Variants in EXOC6 observed in about 807,000 individuals in gnomAD.
The protein encoded by EXOC6 is SEC15-like 1.
Under a neutral mutation model 112.5 loss-of-function variants are expected in EXOC6, and 60 were observed. That is an observed-to-expected ratio of 0.53 (90% CI 0.43 to 0.66). The LOEUF is 0.66. Among genes scored for constraint, EXOC6 ranks in the 30% least tolerant of loss-of-function variants. The pLI is 0.00. For synonymous variants in EXOC6, 295 were observed against 308.0 expected (o/e 0.96, Z 0.44); for missense variants, 855 against 957.1 (o/e 0.89, Z 1.41).
chr10:92,881,419 C>T (rs1848959246), intron 1 of EXOC6, among the ~76,000 whole-genome samples: 1 of 152,200 alleles, frequency 6.6e-6, no homozygotes, highest in Admixed American at 6.5e-5. Flanking sequence ...TGTCATAATA[C>T]TACTTCATTT....
rs556700904 is a variant in EXOC6, at chr10:92,973,045, T to C, written c.1774-1008T>C. 3.3e-5 allele frequency among the ~76,000 whole-genome samples: 5 copies of C among 152,342 alleles called. No homozygotes were observed. In the South Asian group the frequency reaches 1.0e-3, roughly 32 times the overall value. On this transcript the variant is annotated intron_variant, in intron 17 of 21. Transcript: ENST00000260762. ...TACCTACCATCTCAGGCATCCTCCA[T>C]GTTAAACTTATTGCCTCTAATTGTT...
chr10:92,834,523 T>C (rs951812665), upstream of EXOC6, among the ~76,000 whole-genome samples: 1 of 152,160 alleles, frequency 6.6e-6, no homozygotes, highest in Non-Finnish European at 1.5e-5. Flanking sequence ...ATGTTATAAG[T>C]GGAAACAGGA....
rs1479027335 is a variant in EXOC6, at chr10:92,920,062, T to C, written c.888+12T>C. 6.5e-7 allele frequency: 1 copy of C among 1,538,766 alleles called. No individual in the cohort carries two copies. The highest frequency in any genetic ancestry group is 1.4e-5 in the African/African-American group (1 of 72,888). On this transcript the variant is annotated intron_variant, in intron 8 of 21. Transcript: ENST00000260762. ...TTTATTCTGTTTTGGTAAGTATGTT[T>C]TATATTTATGTATATATAGCTTTAT... is the stretch of plus-strand genomic sequence containing the variant.
In EXOC6 at chr10:92,837,539, T is replaced by G. The variant is rs569848072; in HGVS notation, c.86+2715T>G. Among the ~76,000 whole-genome samples, 8 of 152,254 alleles carry G rather than the reference T, an allele frequency of 5.3e-5. No homozygotes were observed. In the South Asian group the frequency reaches 1.7e-3, roughly 32 times the overall value. ...TTAAAATTAGTTGGTGGCTTGTGCC[T>G]GTAGTCTCAGCTACTCGGGAGGCCA... On this transcript the variant is annotated intron_variant, in intron 1 of 21. Transcript: ENST00000371552.
intron 12 of EXOC6, among the ~76,000 whole-genome samples, chr10:92,938,762 TCA>T (rs141685760): frequency 6.6e-6 from 1 of 152,244 alleles, no homozygotes; most frequent in African/African-American, 2.4e-5. Context: ...TTCAAGAAAT[TCA>T]CAGTTTACTT....
intron 20 of EXOC6, among the ~76,000 whole-genome samples, chr10:93,054,022 G>C (rs1846428672): frequency 1.3e-5 from 2 of 152,296 alleles, no homozygotes; most frequent in Non-Finnish European, 2.9e-5. Flanking sequence ...GAATGAGCAG[G>C]CAGTCACCAG....
chr10:93,014,433 G>A (rs1173113803), intron 20 of EXOC6, among the ~76,000 whole-genome samples, 166 bp downstream of exon 20: 2 of 151,880 alleles, frequency 1.3e-5, no homozygotes, highest in Non-Finnish European at 2.9e-5. Flanking sequence ...CTTTGAACCT[G>A]TAATGCATTC....
At chr10:92,953,481 C>T (rs983875622) in intron 15 of EXOC6, among the ~76,000 whole-genome samples, 5 of 152,136 alleles carry the variant, frequency 3.3e-5, no homozygotes, top group African/African-American at 1.2e-4. Context: ...TTTTGGTTCT[C>T]CTGCCACCAC....
At chr10:92,839,424 A>G (rs1846765789) in intron 1 of EXOC6, among the ~76,000 whole-genome samples, 1 of 152,192 alleles carries the variant, frequency 6.6e-6, no homozygotes, top group African/African-American at 2.4e-5. Flanking sequence ...AGGATGGTCA[A>G]TAGGTTTCAA....
chr10:92,854,457 T>C (rs752500491), intron 1 of EXOC6, among the ~76,000 whole-genome samples: 6 of 151,906 alleles, frequency 3.9e-5, no homozygotes, highest in Non-Finnish European at 7.4e-5. Context: ...AAAGACTGAC[T>C]ATACCATGTA....
Position 92,893,395 on chromosome 10 carries a change from A to G in EXOC6, c.148A>G (p.Lys50Glu). ...QPNAHKKFME[K>E]LDACIRNHDK... Reference sequence around the variant, plus strand: ...AAATGCGCACAAGAAGTTTATGGAAAAGTTAGATGCTTGTATCCGTAATCA... The same window carrying G: ...AAATGCGCACAAGAAGTTTATGGAAGAGTTAGATGCTTGTATCCGTAATCA... Residue 50 changes from lysine (K) to glutamate (E), a missense_variant, in exon 2 of 22, where the codon AAG (lysine) becomes GAG (glutamate). By Grantham distance (56) the Lys-to-Glu change is moderately conservative. This residue lies in a region of EXOC6 where 405 missense variants were observed against 393.6 expected (regional missense o/e 1.03). Coordinates refer to ENST00000260762, the MANE Select transcript of EXOC6 (RefSeq NM_019053.6). 6.2e-7 allele frequency: 1 copy of G among 1,612,718 alleles called. No homozygotes were observed. The highest frequency in any genetic ancestry group is 8.5e-7 in the Non-Finnish European group (1 of 1,179,266).
At chr10:92,891,729 G>T (rs551998452) in intron 1 of EXOC6, among the ~76,000 whole-genome samples, 5 of 152,172 alleles carry the variant, frequency 3.3e-5, no homozygotes, top group African/African-American at 7.2e-5. Flanking sequence ...TGATCTGTCC[G>T]CATCGGCTCC....
At chr10:92,915,674 A>G (rs1048686191) in intron 6 of EXOC6, 84 bp from the exon 7 acceptor site, 112 of 1,043,762 alleles carry the variant, frequency 1.1e-4, no homozygotes, top group Non-Finnish European at 8.9e-5. Context: ...AAAAAGATAA[A>G]AAAAAACTAT....
intron 17 of EXOC6, among the ~76,000 whole-genome samples, chr10:92,972,223 A>G (rs1025542630): frequency 7.0e-4 from 107 of 152,338 alleles, no homozygotes; most frequent in African/African-American, 2.5e-3. Context: ...CCAGTGGGCT[A>G]GGGGACGTCC....
At chr10:93,025,429 T>C (rs1422763898) in intron 20 of EXOC6, among the ~76,000 whole-genome samples, 3 of 152,230 alleles carry the variant, frequency 2.0e-5, no homozygotes, top group Admixed American at 6.5e-5. Flanking sequence ...TTTTTAAATT[T>C]TGGGACATTT....
intron 20 of EXOC6, among the ~76,000 whole-genome samples, chr10:93,017,612 G>A (rs1474903519): frequency 6.6e-6 from 1 of 151,394 alleles, no homozygotes; most frequent in African/African-American, 2.4e-5. Context: ...CTACATATTG[G>A]GTACAATGTA....
chr10:92,922,276 T>C (rs1851487528), intron 8 of EXOC6, among the ~76,000 whole-genome samples: 1 of 152,202 alleles, frequency 6.6e-6, no homozygotes, highest in Admixed American at 6.5e-5. Context: ...ACAACTCTTC[T>C]TCCTTCTACT....
chr10:92,867,269 A>G (rs1848219333), intron 1 of EXOC6, among the ~76,000 whole-genome samples: 1 of 152,212 alleles, frequency 6.6e-6, no homozygotes, highest in South Asian at 2.1e-4. Flanking sequence ...AGTGATCTCT[A>G]TCATCCGTCT....
rs572970726 is a variant in EXOC6, at chr10:93,002,154, G to A, written c.2095+4539G>A. Among the ~76,000 whole-genome samples the A allele has an allele frequency of 4.6e-5, 7 of 152,026 alleles. No homozygotes were observed. In the South Asian group the frequency reaches 1.5e-3, roughly 32 times the overall value. ...TGTATTCCTCCCCCCCTTTTTTGGTGATTGCTAAGCTCTATTTTTCTTATC... is the reference window on the plus strand; with the variant it reads ...TGTATTCCTCCCCCCCTTTTTTGGTAATTGCTAAGCTCTATTTTTCTTATC... On this transcript the variant is annotated intron_variant, in intron 19 of 21. Transcript: ENST00000260762.
Sources: gnomAD v4.1 joint callset for allele counts (sites outside exome capture counted in the v4.1 genomes callset) on GRCh38, gnomAD v4.1.1 for gene constraint, gnomAD v4.1.1 regional missense constraint, MANE v1.5 for transcripts, NCBI Gene and HGNC (gene_info 2026-07-23, HGNC 2026-07-21) for gene names.